Variants in GLIS3 observed in about 807,000 individuals in gnomAD.
GLIS3 encodes the protein GLIS family zinc finger 3, also known as zinc finger protein GLIS3.
In GLIS3, 53 loss-of-function variants were observed where a neutral mutation model predicts 78.6. That is an observed-to-expected ratio of 0.67 (90% CI 0.54 to 0.85). The LOEUF (loss-of-function observed/expected upper bound fraction) is 0.85, where lower values mean the gene tolerates loss of function less well. Among genes scored for constraint, GLIS3 ranks in the 40% least tolerant of loss-of-function variants. The probability of loss-of-function intolerance (pLI) is 0.00; values close to 1 mark genes in which losing one functional copy is unlikely to be tolerated. For missense variants in GLIS3, 1,703 were observed against 1,231.1 expected (o/e 1.38, Z -5.74); for synonymous variants, 684 against 509.9 (o/e 1.34, Z -4.60).
At chr9:4,439,928 C>T in the GLIS3 span, among the ~76,000 whole-genome samples, 1 of 152,178 alleles carries the variant, frequency 6.6e-6, no homozygotes, top group African/African-American at 2.4e-5. Context: ...AGCAATCTGC[C>T]TACCTCAGCC....
intron 2 of GLIS3, among the ~76,000 whole-genome samples, chr9:4,277,037 A>C (rs559501479): frequency 6.6e-6 from 1 of 152,290 alleles, no homozygotes; most frequent in African/African-American, 2.4e-5. Context: ...GTGAAAAAAA[A>C]ATAACCACGG....
chr9:4,139,782 C>T (rs1259600836), intron 2 of GLIS3, among the ~76,000 whole-genome samples: 1 of 152,134 alleles, frequency 6.6e-6, no homozygotes, highest in African/African-American at 2.4e-5. Flanking sequence ...TTGCACAGTT[C>T]ACTATGGGGT....
intron 2 of GLIS3, among the ~76,000 whole-genome samples, chr9:4,204,337 A>G (rs1284895794): frequency 6.6e-6 from 1 of 152,204 alleles, no homozygotes; most frequent in African/African-American, 2.4e-5. Flanking sequence ...TTTTGTACAT[A>G]TAACCATCTG....
chr9:4,026,281 AATC>A (rs1467766431), intron 4 of GLIS3, among the ~76,000 whole-genome samples: 2 of 152,248 alleles, frequency 1.3e-5, no homozygotes, highest in Non-Finnish European at 2.9e-5. Flanking sequence ...GACCAGTCTC[AATC>A]ATCAAGTCAT....
chr9:4,376,356 T>C, the GLIS3 span, among the ~76,000 whole-genome samples: 3 of 152,202 alleles, frequency 2.0e-5, no homozygotes, highest in East Asian at 5.8e-4. Flanking sequence ...AGATTGTTTT[T>C]CCTGGGGAGA....
intron 2 of GLIS3, among the ~76,000 whole-genome samples, chr9:4,198,609 A>T (rs1819079568): frequency 6.6e-6 from 1 of 152,250 alleles, no homozygotes; most frequent in Admixed American, 6.5e-5. Context: ...AGAGAAGTGG[A>T]GAAAAAGAAA....
intron 2 of GLIS3, chr9:4,147,512 G>A (rs1052797458): frequency 2.0e-5 from 3 of 152,232 alleles, no homozygotes; most frequent in African/African-American, 7.2e-5. Context: ...AGACAGCTGT[G>A]CAGAGTACTT....
chr9:4,204,341 C>G (rs564371742), intron 2 of GLIS3, among the ~76,000 whole-genome samples: 1 of 152,190 alleles, frequency 6.6e-6, no homozygotes, highest in East Asian at 1.9e-4. Context: ...GTACATATAA[C>G]CATCTGATAC....
intron 4 of GLIS3, among the ~76,000 whole-genome samples, chr9:4,059,054 G>A (rs1171707712): frequency 2.6e-5 from 4 of 152,020 alleles, no homozygotes; most frequent in Non-Finnish European, 5.9e-5. Flanking sequence ...GTTGACGAAG[G>A]GGACCCTGAG....
intron 2 of GLIS3, among the ~76,000 whole-genome samples, chr9:4,266,925 T>C (rs766301441): frequency 6.6e-6 from 1 of 152,192 alleles, no homozygotes. Context: ...AATAAACCCA[T>C]AAATTTTACA....
intron 4 of GLIS3, among the ~76,000 whole-genome samples, chr9:3,994,188 T>G (rs1478375801): frequency 1.3e-5 from 2 of 152,216 alleles, no homozygotes; most frequent in Non-Finnish European, 2.9e-5. Flanking sequence ...TAAATCTGCC[T>G]TTTAAAAAAG....
chr9:4,407,772 A>G, the GLIS3 span, among the ~76,000 whole-genome samples: 1 of 152,246 alleles, frequency 6.6e-6, no homozygotes, highest in East Asian at 1.9e-4. Flanking sequence ...ATAGAATCAC[A>G]TCAAGTTAAA....
chr9:4,293,632 C>G (rs1405283239), intron 1 of GLIS3, among the ~76,000 whole-genome samples: 1 of 152,098 alleles, frequency 6.6e-6, no homozygotes. Context: ...AACTTCGTAA[C>G]TAGCCCTGGC....
intron 2 of GLIS3, among the ~76,000 whole-genome samples, chr9:4,216,066 C>CA (rs1296099512): frequency 6.6e-6 from 1 of 152,034 alleles, no homozygotes; most frequent in Non-Finnish European, 1.5e-5. Flanking sequence ...AAATTGACTA[C>CA]ATATACTCAG....
chr9:4,350,111 G>C (rs1184498242), upstream of GLIS3, among the ~76,000 whole-genome samples: 4 of 152,176 alleles, frequency 2.6e-5, no homozygotes, highest in African/African-American at 9.7e-5. Flanking sequence ...AGTGAGAAGG[G>C]ATCAGGCATA....
At chr9:4,316,707 G>T (rs1367107123) in intron 2 of GLIS3, among the ~76,000 whole-genome samples, 1 of 152,180 alleles carries the variant, frequency 6.6e-6, no homozygotes, top group African/African-American at 2.4e-5. Flanking sequence ...GTTGGTTCCT[G>T]CCTTGCCCCC....
the GLIS3 span, among the ~76,000 whole-genome samples, chr9:4,376,912 T>A: frequency 2.7e-4 from 36 of 134,658 alleles, 7 homozygotes; most frequent in African/African-American, 9.1e-4. Context: ...AGCCACTGAT[T>A]CCACTGCTGG....
Position 4,036,414 on chromosome 9 carries a change from T to A in GLIS3, c.1710+81354A>T, listed in dbSNP as rs117495445. Among the ~76,000 whole-genome samples, 10 of 152,300 alleles carry A rather than the reference T, an allele frequency of 6.6e-5. No individual in the cohort carries two copies. The East Asian group carries it at 1.9e-3, about 29-fold the overall frequency. The stretch of plus-strand genomic sequence containing the variant: ...GATAGGATATAAATAAACAGATGTA[T>A]AAATAAAGAGTGGGTTTTTGAAAAA... On this transcript the variant is annotated intron_variant, in intron 4 of 10. Coordinates refer to ENST00000381971, the MANE Select transcript of GLIS3 (RefSeq NM_001042413.2).
intron 4 of GLIS3, among the ~76,000 whole-genome samples, chr9:4,111,155 G>GATGTACATA (rs1413013640): frequency 1.3e-5 from 2 of 152,136 alleles, no homozygotes; most frequent in Admixed American, 1.3e-4. Flanking sequence ...TTTATGAAAA[G>GATGTACATA]ATGTACATAA....
Sources: allele counts gnomAD v4.1 joint callset (sites outside exome capture counted in the v4.1 genomes callset), GRCh38; gene constraint gnomAD v4.1.1; transcripts MANE v1.5; gene names NCBI Gene and HGNC (gene_info 2026-07-23, HGNC 2026-07-21).